The following MAZ variants were observed in gnomAD, a reference collection of about 807,000 sequenced individuals.
The protein encoded by MAZ is myc-associated zinc finger protein.
In MAZ, 4 loss-of-function variants were observed where a neutral mutation model predicts 32.7. The observed-to-expected ratio is 0.12, with a 90% CI of 0.06 to 0.28. MAZ has a LOEUF of 0.28. MAZ is among the 10% of genes least tolerant of loss of function. MAZ has a pLI of 1.00. For synonymous variants in MAZ, 510 were observed against 297.6 expected, an observed-to-expected ratio of 1.71 and a Z score of -7.35; for missense variants, 763 against 667.2, an observed-to-expected ratio of 1.14 and a Z score of -1.58.
Position 29,806,866 on chromosome 16 carries a change from C to T in MAZ, c.165C>T (p.Ser55=). 1.4e-6 allele frequency: 2 copies of T among 1,443,814 alleles called. No individual in the cohort carries two copies. Among genetic ancestry groups the T allele is most frequent in the East Asian group, 3.1e-5 (1 of 32,424 alleles). The allele number at this position is 1,443,814 out of a possible 1,614,324, so 89.4% of individuals were successfully genotyped here. A position where few individuals can be genotyped will look rare whatever the true frequency, so the allele number is the denominator to read the frequency against. The change falls in exon 1 of 5, where the codon TCC becomes TCT. Residue 55 remains serine, a synonymous_variant. Coordinates refer to ENST00000322945, the MANE Select transcript of MAZ (RefSeq NM_002383.4). Reference sequence around the variant, plus strand: ...AGCTCCAGTCCCGCTTCTTTGCCTCCCAGGGCTGCGCCCAGAGTCCATTCC... The same window carrying T: ...AGCTCCAGTCCCGCTTCTTTGCCTCTCAGGGCTGCGCCCAGAGTCCATTCC... ...GAELQSRFFA[S]QGCAQSPFQA... is the part of the protein sequence containing the mutation.
At position 29,807,373 on chromosome 16, in the gene MAZ, C is replaced by T. The variant is rs372441197; in HGVS notation, c.588C>T (p.Ala196=). 10 of 1,612,266 alleles carry T rather than the reference C, an allele frequency of 6.2e-6. No homozygotes were observed. In the African/African-American group the frequency reaches 9.3e-5, roughly 15 times the overall value. ...GGCCCTACATCTGCGCTCTGTGCGCCAAGGAGTTCAAGAACGGCTACAATC... is the reference window on the plus strand; with the variant it reads ...GGCCCTACATCTGCGCTCTGTGCGCTAAGGAGTTCAAGAACGGCTACAATC... ...SKGPYICALC[A]KEFKNGYNLR... Residue 196 remains alanine (A), a synonymous_variant, in exon 2 of 5, where the codon GCC becomes GCT. Coordinates refer to ENST00000322945, the MANE Select transcript of MAZ (RefSeq NM_002383.4).
rs1192129285 is a variant in MAZ, at chr16:29,807,357, T to C, written c.572T>C (p.Ile191Thr). Residue 191 changes from isoleucine to threonine, a missense_variant, in exon 2 of 5, where the codon ATC becomes ACC. Coordinates refer to ENST00000322945, the MANE Select transcript of MAZ (RefSeq NM_002383.4). The stretch of plus-strand genomic sequence containing the variant: ...AAGACAAAGAGCAAGGGGCCCTACA[T>C]CTGCGCTCTGTGCGCCAAGGAGTTC... ...EKKTKSKGPY[I>T]CALCAKEFKN... 1 of 1,612,060 alleles carries C rather than the reference T, an allele frequency of 6.2e-7. No homozygotes were observed. Among genetic ancestry groups the C allele is most frequent in the East Asian group, 2.2e-5 (1 of 44,818 alleles).
chr16:29,807,928 G>A (rs1385220407), intron 2 of MAZ, 100 bp downstream of exon 2: 8 of 1,518,286 alleles, frequency 5.3e-6, no homozygotes, highest in East Asian at 2.4e-5. Context: ...GGCTGCTGAG[G>A]CTGGGGAAGG....
Position 29,810,550 on chromosome 16 carries a change from C to T in MAZ, c.*319C>T, listed in dbSNP as rs1313888930. ...CCTCTCCTCTCTGTAAGCCCATGCC[C>T]TGTCTTCCCAGGGACTTGTGAGCCT... On this transcript the variant is annotated 3_prime_UTR_variant, in exon 5 of 5. Coordinates refer to ENST00000322945, the MANE Select transcript of MAZ (RefSeq NM_002383.4). 6 of 700,542 alleles carry T rather than the reference C, an allele frequency of 8.6e-6. No homozygotes were observed. The highest frequency in any genetic ancestry group is 2.0e-5 in the Admixed American group (1 of 49,938). 43.4% of individuals were successfully genotyped at this position (700,542 alleles called of 1,614,324 possible).
rs751964723 is a variant in MAZ, at chr16:29,807,340, G to A, written c.555G>A (p.Lys185=). 44 of 1,611,348 alleles carry A rather than the reference G, an allele frequency of 2.7e-5. No individual in the cohort carries two copies. The highest frequency in any genetic ancestry group is 5.3e-5 in the African/African-American group (4 of 74,868). Reference sequence around the variant, plus strand: ...CGTCTGCCTTGGAGAAGAAGACAAAGAGCAAGGGGCCCTACATCTGCGCTC... The same window carrying A: ...CGTCTGCCTTGGAGAAGAAGACAAAAAGCAAGGGGCCCTACATCTGCGCTC... ...PVASALEKKT[K]SKGPYICALC... The change falls in exon 2 of 5, where the codon AAG becomes AAA. Residue 185 remains lysine, a synonymous_variant. Coordinates refer to ENST00000322945, the MANE Select transcript of MAZ (RefSeq NM_002383.4).
chr16:29,810,376 G>A lies in MAZ; in HGVS notation c.*145G>A. On this transcript the variant is annotated 3_prime_UTR_variant, in exon 5 of 5. Transcript: ENST00000322945. ...GAAAGGAGGAAGAAATGTTTTCTTA[G>A]GGGAATTCGCTAGGTTTTAACGATT... 1 of 890,790 alleles carries A rather than the reference G, an allele frequency of 1.1e-6. No individual in the cohort carries two copies. 55.2% of individuals were successfully genotyped at this position (890,790 alleles called of 1,614,324 possible).
chr16:29,807,842 C>G lies in MAZ; in HGVS notation c.1043+14C>G. 1 of 1,597,832 alleles carries G rather than the reference C, an allele frequency of 6.3e-7. No individual in the cohort carries two copies. The highest frequency in any genetic ancestry group is 8.5e-7 in the Non-Finnish European group (1 of 1,175,954). Reference sequence around the variant, plus strand: ...GAGCTTCTCCCGGTGTGCACGGGGCCTCGGCCGCCCGCTAGGCCGTGGGGA... The same window carrying G: ...GAGCTTCTCCCGGTGTGCACGGGGCGTCGGCCGCCCGCTAGGCCGTGGGGA... On this transcript the variant is annotated intron_variant, in intron 2 of 4. Transcript: ENST00000322945.
In MAZ at chr16:29,810,247, C is replaced by A. The variant is rs571424053; in HGVS notation, c.*16C>A. On this transcript the variant is annotated 3_prime_UTR_variant, in exon 5 of 5. Transcript: ENST00000322945. ...ACCCTGGTGAGCTCCAAGTTGGTTGCGGGGGAGAGGGGAGAATGGAGTAGA... is the reference window on the plus strand; with the variant it reads ...ACCCTGGTGAGCTCCAAGTTGGTTGAGGGGGAGAGGGGAGAATGGAGTAGA... The A allele has an allele frequency of 1.3e-6, 2 of 1,572,374 alleles. No individual in the cohort carries two copies. The highest frequency in any genetic ancestry group is 1.4e-5 in the African/African-American group (1 of 73,956).
intron 4 of MAZ, chr16:29,809,587 G>C: frequency 1.2e-6 from 2 of 1,612,306 alleles, no homozygotes; most frequent in Non-Finnish European, 1.7e-6. Context: ...GAAGGACCAC[G>C]GGCTCCAGGC....
Position 29,810,320 on chromosome 16 carries a change from A to G in MAZ, c.*89A>G. The G allele has an allele frequency of 2.3e-6, 3 of 1,307,404 alleles. No homozygotes were observed. Among genetic ancestry groups the G allele is most frequent in the Non-Finnish European group, 3.2e-6 (3 of 930,786 alleles). The allele number at this position is 1,307,404 out of a possible 1,614,324, so 81.0% of individuals were successfully genotyped here. On this transcript the variant is annotated 3_prime_UTR_variant, in exon 5 of 5. Coordinates refer to ENST00000322945, the MANE Select transcript of MAZ (RefSeq NM_002383.4). The stretch of plus-strand genomic sequence containing the variant: ...CCCCCCTCTTTTCCCACCAACTCCT[A>G]TTTCCCTACCAACCAAGGAGCCTCC...
intron 4 of MAZ, 184 bp downstream of exon 4, chr16:29,808,925 G>T: frequency 1.6e-6 from 1 of 606,854 alleles, no homozygotes; most frequent in Non-Finnish European, 2.9e-6. Flanking sequence ...AGAAGTCCTG[G>T]TTGGAAGAGA....
rs1899603942 is a variant in MAZ, at chr16:29,807,709, G to C, written c.924G>C (p.Gln308His). The change falls in exon 2 of 5, where the codon CAG (glutamine) becomes CAC (histidine). Residue 308 changes from glutamine to histidine, a missense_variant. Transcript: ENST00000322945. Reference sequence around the variant, plus strand: ...CGCACTCGGACGAGAAGCCCTACCAGTGCCCGGTGTGCCAGCAGCGCTTCA... The same window carrying C: ...CGCACTCGGACGAGAAGCCCTACCACTGCCCGGTGTGCCAGCAGCGCTTCA... ...KLSHSDEKPY[Q>H]CPVCQQRFKR... 4 of 1,612,940 alleles carry C rather than the reference G, an allele frequency of 2.5e-6. No homozygotes were observed. Among genetic ancestry groups the C allele is most frequent in the Non-Finnish European group, 2.5e-6 (3 of 1,179,982 alleles).
Position 29,807,571 on chromosome 16 carries a change from C to A in MAZ, c.786C>A (p.Ala262=), listed in dbSNP as rs773615145. 6.2e-7 allele frequency: 1 copy of A among 1,607,480 alleles called. No homozygotes were observed. Among genetic ancestry groups the A allele is most frequent in the Non-Finnish European group, 8.5e-7 (1 of 1,177,500 alleles). Residue 262 remains alanine, a synonymous_variant, in exon 2 of 5, where the codon GCC becomes GCA. Coordinates refer to ENST00000322945, the MANE Select transcript of MAZ (RefSeq NM_002383.4). ...GCGGCGGCGCTGCCGCAGTGGCCGC[C>A]GGTGGCGTGGTGACCACGACCGCCT... is the stretch of plus-strand genomic sequence containing the variant. ...GAGGGAAAVA[A]GGVVTTTASG...
intron 4 of MAZ, chr16:29,809,501 T>G: frequency 1.6e-6 from 2 of 1,282,554 alleles, no homozygotes; most frequent in Non-Finnish European, 2.3e-6. Context: ...GGTCTCCGCC[T>G]GGCTGACCCC....
At chr16:29,808,160 C>T (rs1328253070) in intron 2 of MAZ, 70 bp from the exon 3 acceptor site, 5 of 1,350,050 alleles carry the variant, frequency 3.7e-6, no homozygotes, top group Middle Eastern at 1.9e-4. Context: ...CTCGGAAAGG[C>T]CTGTGGTGCG....
chr16:29,809,803 TGTGGG>T, intron 4 of MAZ: 1 of 1,126,112 alleles, frequency 8.9e-7, no homozygotes. Flanking sequence ...GGATGGGGGG[TGTGGG>T]GGACAACGGG....
Position 29,807,054 on chromosome 16 carries a change from C to T in MAZ, c.269C>T (p.Ala90Val). ...PLQVDLLPVLAAAQESAAAAA... is the reference protein window; with the variant it reads ...PLQVDLLPVLVAAQESAAAAA... The stretch of plus-strand genomic sequence containing the variant: ...CAGGTGGACTTGCTCCCGGTGCTCG[C>T]CGCCGCCCAGGAGTCCGCCGCGGCT... Residue 90 changes from alanine to valine, a missense_variant, in exon 2 of 5, where the codon GCC becomes GTC. Transcript: ENST00000322945. The T allele has an allele frequency of 2.0e-6, 2 of 1,016,202 alleles. No individual in the cohort carries two copies. Among genetic ancestry groups the T allele is most frequent in the Non-Finnish European group, 2.3e-6 (2 of 854,178 alleles). 62.9% of individuals were successfully genotyped at this position (1,016,202 alleles called of 1,614,324 possible).
Position 29,807,230 on chromosome 16 carries a change from C to G in MAZ, c.445C>G (p.Pro149Ala), listed in dbSNP as rs1161641734. 1.2e-5 allele frequency: 16 copies of G among 1,350,162 alleles called. No homozygotes were observed. Among genetic ancestry groups the G allele is most frequent in the Admixed American group, 3.5e-5 (1 of 28,976 alleles). The allele number at this position is 1,350,162 out of a possible 1,614,324, so 83.6% of individuals were successfully genotyped here. A position where few individuals can be genotyped will look rare whatever the true frequency, so the allele number is the denominator to read the frequency against. Residue 149 changes from proline to alanine, a missense_variant, in exon 2 of 5, where the codon CCC becomes GCC. Physicochemically the swap from Pro to Ala is conservative, Grantham distance 27 (BLOSUM62 -1). Transcript: ENST00000322945. ...GTCGGCGCCCGCGGCCGAGGCCGCGCCCCCCGCCTCCGCCGCCACTATCGC... is the reference window on the plus strand; with the variant it reads ...GTCGGCGCCCGCGGCCGAGGCCGCGGCCCCCGCCTCCGCCGCCACTATCGC... ...PVSAPAAEAA[P>A]PASAATIAAA...
chr16:29,810,026 G>A (rs1567373038), intron 4 of MAZ, 51 bp from the exon 5 acceptor site: 2 of 1,571,720 alleles, frequency 1.3e-6, no homozygotes, highest in Admixed American at 1.8e-5. Context: ...GTGAGGGCAA[G>A]GCTCTTGCCA....
Sources: gnomAD v4.1 joint callset for allele counts on GRCh38, gnomAD v4.1.1 for gene constraint, MANE v1.5 for transcripts, NCBI Gene and HGNC (gene_info 2026-07-23, HGNC 2026-07-21) for gene names.